Variants in CACNA2D4 observed in about 807,000 individuals in gnomAD.
CACNA2D4 encodes calcium voltage-gated channel auxiliary subunit alpha2delta 4.
Under a neutral mutation model 163.8 loss-of-function variants are expected in CACNA2D4, and 157 were observed. The ratio of observed to expected loss-of-function variants is 0.96; its 90% CI spans 0.84 to 1.09. The LOEUF (loss-of-function observed/expected upper bound fraction) is 1.09. Among genes scored for constraint, CACNA2D4 ranks in the 50% least tolerant of loss-of-function variants. The pLI is 0.00. For synonymous variants in CACNA2D4, 598 were observed against 586.9 expected, an observed-to-expected ratio of 1.02 and a Z score of -0.27; for missense variants, 1,410 against 1,479.9, an observed-to-expected ratio of 0.95 and a Z score of 0.78.
intron 23 of CACNA2D4, among the ~76,000 whole-genome samples, chr12:1,848,402 G>A (rs1476393555): frequency 5.9e-5 from 9 of 152,324 alleles, no homozygotes; most frequent in Admixed American, 3.3e-4. Context: ...TCAACTGGCC[G>A]TGAGACCTCA....
chr12:1,813,466 G>A (rs555351801), intron 26 of CACNA2D4, among the ~76,000 whole-genome samples: 1 of 152,340 alleles, frequency 6.6e-6, no homozygotes, highest in East Asian at 1.9e-4. Context: ...GCCACACGTG[G>A]CTACTGAGAA....
intron 5 of CACNA2D4, 47 bp downstream of exon 5, chr12:1,907,828 A>G (rs1174500472): frequency 3.8e-6 from 6 of 1,588,244 alleles, no homozygotes; most frequent in Non-Finnish European, 5.2e-6. Flanking sequence ...TGGGTGTGCT[A>G]GGTGGGCGTG....
chr12:1,908,752 TCCCACGCCGGAC>T, intron 4 of CACNA2D4, among the ~76,000 whole-genome samples: 7 of 114,400 alleles, frequency 6.1e-5, no homozygotes, highest in African/African-American at 2.9e-4. Context: ...CCACGCCAAC[TCCCACGCCGGAC>T]TGCCTCACGG....
intron 29 of CACNA2D4, among the ~76,000 whole-genome samples, chr12:1,807,619 G>A (rs1478978088): frequency 1.3e-5 from 2 of 152,012 alleles, no homozygotes; most frequent in Admixed American, 6.6e-5. Flanking sequence ...CCAGTCTAGC[G>A]CCTGCTGCCT....
chr12:1,847,747 C>T (rs1865181957), intron 23 of CACNA2D4, among the ~76,000 whole-genome samples: 1 of 152,132 alleles, frequency 6.6e-6, no homozygotes. Context: ...ATCACCAACC[C>T]GGGGCTGGTC....
intron 6 of CACNA2D4, among the ~76,000 whole-genome samples, chr12:1,900,321 G>T (rs1339055593): frequency 6.6e-6 from 1 of 152,096 alleles, no homozygotes; most frequent in East Asian, 1.9e-4. Context: ...TTTTGGTGGA[G>T]ATGAGGTCTC....
intron 18 of CACNA2D4, among the ~76,000 whole-genome samples, chr12:1,867,003 A>G (rs1039879128): frequency 1.3e-5 from 2 of 152,088 alleles, no homozygotes; most frequent in African/African-American, 2.4e-5. Flanking sequence ...AAATTTGAGT[A>G]GACAGTTTTT....
chr12:1,895,361 G>A (rs1383285126), intron 6 of CACNA2D4, among the ~76,000 whole-genome samples: 1 of 151,742 alleles, frequency 6.6e-6, no homozygotes, highest in African/African-American at 2.4e-5. Flanking sequence ...TTTCACAAGA[G>A]TAGAAAAAAA....
intron 26 of CACNA2D4, among the ~76,000 whole-genome samples, chr12:1,837,107 T>C (rs1247902590): frequency 2.0e-5 from 3 of 152,176 alleles, no homozygotes; most frequent in Admixed American, 6.5e-5. Flanking sequence ...GAGCCCGCCA[T>C]GGCCCGTGCC....
intron 3 of CACNA2D4, among the ~76,000 whole-genome samples, chr12:1,912,052 T>G (rs1558141): frequency 0.91 from 138,391 of 152,300 alleles, 63,027 homozygotes; most frequent in East Asian, 1. Flanking sequence ...CCAGCAACCC[T>G]GACCCCGGCC....
At chr12:1,805,374 C>T (rs1863499636) in intron 29 of CACNA2D4, among the ~76,000 whole-genome samples, 1 of 152,188 alleles carries the variant, frequency 6.6e-6, no homozygotes, top group South Asian at 2.1e-4. Context: ...AAGGGGTGCT[C>T]TTGACTCTGA....
Position 1,883,976 on chromosome 12 carries a change from C to G in CACNA2D4, c.1351+267G>C. On this transcript the variant is annotated intron_variant, in intron 12 of 37. Coordinates refer to ENST00000382722, the MANE Select transcript of CACNA2D4 (RefSeq NM_172364.5). The surrounding 1 kb of genome is among the most constrained non-coding windows in gnomAD (Gnocchi z 4.5). Reference sequence around the variant, plus strand: ...AACATTATTCCAGAGAAAACAGTGACCCTCTGCTTTTTGTCTGGGAGCAGA... The same window carrying G: ...AACATTATTCCAGAGAAAACAGTGAGCCTCTGCTTTTTGTCTGGGAGCAGA... 2.1e-6 allele frequency: 1 copy of G among 484,426 alleles called. No individual in the cohort carries two copies. Among genetic ancestry groups the G allele is most frequent in the African/African-American group, 1.9e-5 (1 of 52,422 alleles). 30.0% of individuals were successfully genotyped at this position (484,426 alleles called of 1,614,324 possible).
intron 16 of CACNA2D4, among the ~76,000 whole-genome samples, chr12:1,876,019 T>G (rs974858072): frequency 6.6e-6 from 1 of 152,202 alleles, no homozygotes; most frequent in African/African-American, 2.4e-5. Flanking sequence ...GGCGGAGATT[T>G]CAGACAGTTC....
intron 20 of CACNA2D4, among the ~76,000 whole-genome samples, chr12:1,857,075 G>A (rs1294290575): frequency 6.6e-6 from 1 of 152,188 alleles, no homozygotes; most frequent in African/African-American, 2.4e-5. Context: ...GTGCACCCTG[G>A]GAATATCTGG....
chr12:1,857,848 C>A (rs539886999), intron 20 of CACNA2D4, among the ~76,000 whole-genome samples: 2 of 152,278 alleles, frequency 1.3e-5, no homozygotes, highest in Admixed American at 6.5e-5. Flanking sequence ...AGGGTCTTGG[C>A]AGAAGTAATC....
At chr12:1,896,634 C>G (rs1279910991) in intron 6 of CACNA2D4, among the ~76,000 whole-genome samples, 1 of 142,306 alleles carries the variant, frequency 7.0e-6, no homozygotes, top group Non-Finnish European at 1.5e-5. Context: ...CACACACACA[C>G]ACACACACAC....
chr12:1,904,692 T>G (rs1441374566), intron 6 of CACNA2D4, among the ~76,000 whole-genome samples: 2 of 151,960 alleles, frequency 1.3e-5, no homozygotes, highest in African/African-American at 4.8e-5. Context: ...ATGTTATAAT[T>G]TTAAGATGTG....
intron 18 of CACNA2D4, among the ~76,000 whole-genome samples, chr12:1,862,893 T>C (rs1396064546): frequency 6.6e-6 from 1 of 152,256 alleles, no homozygotes; most frequent in East Asian, 1.9e-4. Context: ...CTTTTTCATT[T>C]TCTTACTGGT....
rs1311453074 is a variant in CACNA2D4, at chr12:1,800,443, G to A, written c.2869-5C>T. ...CGTCAAGAAGGCAGAAATTGGCTGG[G>A]AAGGAGAGAGTGCACACCGCTCGCA... On this transcript the variant is annotated splice_polypyrimidine_tract_variant and splice_region_variant and intron_variant, in intron 31 of 37. Coordinates refer to ENST00000382722, the MANE Select transcript of CACNA2D4 (RefSeq NM_172364.5). The A allele has an allele frequency of 6.2e-7, 1 of 1,613,832 alleles. No individual in the cohort carries two copies. Among genetic ancestry groups the A allele is most frequent in the Non-Finnish European group, 8.5e-7 (1 of 1,179,808 alleles).
Sources: allele counts gnomAD v4.1 joint callset (sites outside exome capture counted in the v4.1 genomes callset), GRCh38; gene constraint gnomAD v4.1.1; non-coding constraint Gnocchi (gnomAD v3.1); transcripts MANE v1.5; gene names NCBI Gene and HGNC (gene_info 2026-07-23, HGNC 2026-07-21).